The following TTN variants were observed in gnomAD, a reference collection of about 807,000 sequenced individuals.
TTN encodes connectin.
TTN carries 1,525 observed loss-of-function variants against 3,223.0 expected under a neutral mutation model. The ratio of observed to expected loss-of-function variants is 0.47; its 90% CI spans 0.45 to 0.49. TTN has a LOEUF of 0.49. Ranked by LOEUF, TTN falls within the 20% of genes least tolerant of loss-of-function variation. The pLI is 0.00. For synonymous variants in TTN, 14,094 were observed against 15,161.0 expected (o/e 0.93, Z 5.17); for missense variants, 40,786 against 43,424.0 (o/e 0.94, Z 5.40).
At position 178,647,402 on chromosome 2, in the gene TTN, G is replaced by C. The variant is rs1193799854; in HGVS notation, c.40120C>G (p.Pro13374Ala). The change falls in exon 214 of 363, where the codon CCA becomes GCA. Residue 13374 changes from proline to alanine, a missense_variant. Coordinates refer to ENST00000589042, the MANE Select transcript of TTN (RefSeq NM_001267550.2). ...KEVSVPIPAE[P>A]EVPPAEVEET... ...GTACCTTCAGCAGGTGGAACTTCTG[G>C]CTCTGCAGGGATAGGCACAGACACT... 6.5e-7 allele frequency: 1 copy of C among 1,549,602 alleles called. No homozygotes were observed. Among genetic ancestry groups the C allele is most frequent in the African/African-American group, 1.4e-5 (1 of 73,068 alleles).
Position 178,612,442 on chromosome 2 carries a change from G to A in TTN, c.50083C>T (p.Arg16695Ter), listed in dbSNP as rs751502842. ...NYIVEKRDVR[R>*]KGWQTVDTTV... ...GTATCCACTGTTTGCCAGCCTTTTC[G>A]CCTGACGTCTCTCTTTTCCACAATG... The change falls in exon 266 of 363, where the codon CGA (arginine) becomes TGA (stop). Residue 16695 changes from arginine to a stop codon, truncating the protein, a stop_gained. Transcript: ENST00000589042. LOFTEE classifies it high-confidence loss of function. 1.9e-6 allele frequency: 3 copies of A among 1,612,394 alleles called. No individual in the cohort carries two copies. Among genetic ancestry groups the A allele is most frequent in the Non-Finnish European group, 1.7e-6 (2 of 1,179,178 alleles).
chr2:178,559,546 T>C lies in TTN; in HGVS notation c.86586A>G (p.Ala28862=). 4 of 1,613,832 alleles carry C rather than the reference T, an allele frequency of 2.5e-6. 1 individual carries two copies. In the South Asian group the frequency reaches 3.3e-5, roughly 13 times the overall value. The change falls in exon 326 of 363, where the codon GCA becomes GCG. Residue 28862 remains alanine, a synonymous_variant. Coordinates refer to ENST00000589042, the MANE Select transcript of TTN (RefSeq NM_001267550.2). ...TTTCAGGAACATCCCAGGATAACAC[T>C]GCAGACTCTTTGGTTACATCTTGCA... ...ITVQDVTKES[A]VLSWDVPEND...
chr2:178,594,192 C>T lies in TTN; in HGVS notation c.58201G>A (p.Gly19401Ser), dbSNP rs764852395. ...CGGCCAGTGAGGGCAAAAGCTTCAC[C>T]AACTCGAATCGTGAGCTTATCTCTG... Reference protein sequence around the residue: ...DFRDKLTIRVGEAFALTGRYS... With the variant: ...DFRDKLTIRVSEAFALTGRYS... Residue 19401 changes from glycine (G) to serine (S), a missense_variant, in exon 297 of 363, where the codon GGT becomes AGT. Gly to Ser is a moderately conservative substitution (Grantham distance 56, BLOSUM62 0). Transcript: ENST00000589042. 3.1e-6 allele frequency: 5 copies of T among 1,613,308 alleles called. No homozygotes were observed. Among genetic ancestry groups the T allele is most frequent in the East Asian group, 2.2e-5 (1 of 44,668 alleles).
chr2:178,620,391 T>C lies in TTN; in HGVS notation c.46130A>G (p.Gln15377Arg). Reference protein sequence around the residue: ...DEGEYIVTAGQDKSVAELLII... With the variant: ...DEGEYIVTAGRDKSVAELLII... ...GAGAAGCTCAGCAACAGATTTATCTTGTCCAGCAGTGACAATGTATTCACC... is the reference window on the plus strand; with the variant it reads ...GAGAAGCTCAGCAACAGATTTATCTCGTCCAGCAGTGACAATGTATTCACC... The change falls in exon 248 of 363, where the codon CAA becomes CGA. Residue 15377 changes from glutamine to arginine, a missense_variant. By Grantham distance (43) the Gln-to-Arg change is conservative. Transcript: ENST00000589042. 2 of 1,612,044 alleles carry C rather than the reference T, an allele frequency of 1.2e-6. No individual in the cohort carries two copies. Among genetic ancestry groups the C allele is most frequent in the Non-Finnish European group, 1.7e-6 (2 of 1,178,848 alleles).
Position 178,704,909 on chromosome 2 carries a change from A to G in TTN, c.29662T>C (p.Ser9888Pro). 6.2e-7 allele frequency: 1 copy of G among 1,613,526 alleles called. No homozygotes were observed. The highest frequency in any genetic ancestry group is 1.7e-4 in the Middle Eastern group (1 of 5,848). The stretch of plus-strand genomic sequence containing the variant: ...TGTGACAGTCTTTGCTGAATAAATG[A>G]TACAAGTTCCTCAAATTCCTTTTCG... Reference protein sequence around the residue: ...RDEKEFEELVSFIQQRLSQTE... With the variant: ...RDEKEFEELVPFIQQRLSQTE... Residue 9888 changes from serine (S) to proline (P), a missense_variant, in exon 104 of 363, where the codon TCA (serine) becomes CCA (proline). By Grantham distance (74) the Ser-to-Pro change is moderately conservative (BLOSUM62 -1). Coordinates refer to ENST00000589042, the MANE Select transcript of TTN (RefSeq NM_001267550.2).
Position 178,799,817 on chromosome 2 carries a change from A to G in TTN, c.669+8T>C, listed in dbSNP as rs763462144. The G allele has an allele frequency of 3.7e-6, 6 of 1,614,056 alleles. No individual in the cohort carries two copies. In the South Asian group the frequency reaches 6.6e-5, roughly 18 times the overall value. ...AAAGGCTTGAAAACCAACAGTATAG[A>G]AAAATACCTTTTCAATTCGGGTTTG... On this transcript the variant is annotated splice_region_variant and intron_variant, in intron 5 of 362. Coordinates refer to ENST00000589042, the MANE Select transcript of TTN (RefSeq NM_001267550.2).
chr2:178,602,636 A>C (rs1465597901), intron 282 of TTN, 46 bp from the exon 283 acceptor site: 3 of 1,432,208 alleles, frequency 2.1e-6, no homozygotes, highest in Non-Finnish European at 1.8e-6. Context: ...TTTGAAGCTG[A>C]TGAAGTGCTG....
chr2:178,563,170 T>C lies in TTN; in HGVS notation c.82962A>G (p.Val27654=). 2 of 1,613,776 alleles carry C rather than the reference T, an allele frequency of 1.2e-6. No individual in the cohort carries two copies. ...AGCCAGGTAGAGTTGCAGGTTCACC[T>C]ACACCTTCAGAATTGATGGCACAAA... The part of the protein sequence containing the change: ...FRICAINSEG[V]GEPATLPGSV... The change falls in exon 326 of 363, where the codon GTA becomes GTG. Residue 27654 remains valine (V), a synonymous_variant. Coordinates refer to ENST00000589042, the MANE Select transcript of TTN (RefSeq NM_001267550.2). This position sits in a 1 kb window ranked among gnomAD's most constrained non-coding sequence, Gnocchi z 4.5.
At chr2:178,749,577 G>A (rs1271952917) in intron 47 of TTN, 2 of 1,612,344 alleles carry the variant, frequency 1.2e-6, no homozygotes, top group Non-Finnish European at 1.7e-6. Context: ...TGGTCTTGCA[G>A]TTGCTGATCT....
At chr2:178,582,668 G>T in intron 313 of TTN, 76 bp from the exon 314 acceptor site, 1 of 1,366,168 alleles carries the variant, frequency 7.3e-7, no homozygotes, top group Non-Finnish European at 9.8e-7. Flanking sequence ...GACCTGGGCT[G>T]CAGTCTTTCT....
chr2:178,550,045 G>T lies in TTN; in HGVS notation c.91793C>A (p.Thr30598Lys). 6.2e-7 allele frequency: 1 copy of T among 1,613,684 alleles called. No individual in the cohort carries two copies. Among genetic ancestry groups the T allele is most frequent in the South Asian group, 1.1e-5 (1 of 91,056 alleles). ...ACCAGATGCATTTTTGGCTTCCACT[G>T]TGTATACACCACGATGGTCCCGAGT... ...DATRDHRGVY[T>K]VEAKNASGSA... The change falls in exon 337 of 363, where the codon ACA (threonine) becomes AAA (lysine). Residue 30598 changes from threonine to lysine, a missense_variant. Thr to Lys is a moderately conservative substitution (Grantham distance 78). Transcript: ENST00000589042.
chr2:178,684,263 A>T (rs2070229701), intron 132 of TTN, 67 bp downstream of exon 132: 1 of 1,529,426 alleles, frequency 6.5e-7, no homozygotes, highest in African/African-American at 1.4e-5. Flanking sequence ...CAGCCCCCAT[A>T]ACCAGTGTAT....
Position 178,581,535 on chromosome 2 carries a change from C to T in TTN, c.66733G>A (p.Asp22245Asn). ...VNKIGYSDPSDVPDKHYPKDI... is the reference protein window; with the variant it reads ...VNKIGYSDPSNVPDKHYPKDI... The stretch of plus-strand genomic sequence containing the variant: ...TTGGGATAGTGTTTATCTGGCACAT[C>T]ACTGGGGTCACTGTATCCAATCTTA... Residue 22245 changes from aspartate to asparagine, a missense_variant, in exon 316 of 363, where the codon GAT becomes AAT. Asp to Asn is a conservative substitution (Grantham distance 23, BLOSUM62 1). Coordinates refer to ENST00000589042, the MANE Select transcript of TTN (RefSeq NM_001267550.2). 1.2e-6 allele frequency: 2 copies of T among 1,609,342 alleles called. No homozygotes were observed. Among genetic ancestry groups the T allele is most frequent in the Non-Finnish European group, 8.5e-7 (1 of 1,176,818 alleles).
rs1412679658 is a variant in TTN at position 178,601,171 on chromosome 2, T to A, written c.55733A>T (p.Tyr18578Phe). 1 of 1,524,280 alleles carries A rather than the reference T, an allele frequency of 6.6e-7. No individual in the cohort carries two copies. Among genetic ancestry groups the A allele is most frequent in the African/African-American group, 1.4e-5 (1 of 71,696 alleles). The allele number at this position is 1,524,280 out of a possible 1,614,324, so 94.4% of individuals were successfully genotyped here. A position where few individuals can be genotyped will look rare whatever the true frequency, so the allele number is the denominator to read the frequency against. Residue 18578 changes from tyrosine to phenylalanine, a missense_variant and splice_region_variant, in exon 288 of 363, where the codon TAT becomes TTT. By Grantham distance (22) the Tyr-to-Phe change is conservative. Transcript: ENST00000589042. Reference sequence around the variant, plus strand: ...GAGTTTAATAGGAGGATCAGGAGGATCTGTAAAAATAATTAAAGGAAGTAT... The same window carrying A: ...GAGTTTAATAGGAGGATCAGGAGGAACTGTAAAAATAATTAAAGGAAGTAT... ...IQRTTARDPIYPPDPPIKLKI... is the reference protein window; with the variant it reads ...IQRTTARDPIFPPDPPIKLKI...
Position 178,781,195 on chromosome 2 carries a change from T to C in TTN, c.3449A>G (p.Asp1150Gly). 1 of 1,614,080 alleles carries C rather than the reference T, an allele frequency of 6.2e-7. No individual in the cohort carries two copies. ...AACAACAATAGTGTATTCTCCAGCATCATCAGCAAAAGTCATAGAAATCAC... is the reference window on the plus strand; with the variant it reads ...AACAACAATAGTGTATTCTCCAGCACCATCAGCAAAAGTCATAGAAATCAC... ...KLVISMTFAD[D>G]AGEYTIVVRN... is the part of the protein sequence containing the mutation. The change falls in exon 21 of 363, where the codon GAT (aspartate) becomes GGT (glycine). Residue 1150 changes from aspartate to glycine, a missense_variant. Physicochemically the swap from Asp to Gly is moderately conservative, Grantham distance 94. Coordinates refer to ENST00000589042, the MANE Select transcript of TTN (RefSeq NM_001267550.2).
Position 178,670,670 on chromosome 2 carries a change from A to G in TTN, c.35309-375T>C, listed in dbSNP as rs561705400. Among the ~76,000 whole-genome samples the G allele has an allele frequency of 3.9e-5, 6 of 152,082 alleles. No homozygotes were observed. In the East Asian group the frequency reaches 1.2e-3, roughly 29 times the overall value. ...TTTATTAGATACTGTTTTTATTTCT[A>G]TTGTGAAATTTAAGAGATTTGCAAA... On this transcript the variant is annotated intron_variant, in intron 156 of 362. Transcript: ENST00000589042.
At position 178,639,995 on chromosome 2, in the gene TTN, G is replaced by A. The variant is rs1458259038; in HGVS notation, c.40786+53C>T. On this transcript the variant is annotated intron_variant, in intron 222 of 362. Transcript: ENST00000589042. ...CTATCTTTTATTAAGTACATGTTAT[G>A]TGTGTGAATACAGAAAGAATATGCT... 3.8e-6 allele frequency: 6 copies of A among 1,584,404 alleles called. No homozygotes were observed. The African/African-American group carries it at 6.8e-5, about 18-fold the overall frequency.
chr2:178,750,275 T>C (rs1451361296), intron 47 of TTN: 3 of 1,613,232 alleles, frequency 1.9e-6, no homozygotes, highest in East Asian at 2.2e-5. Flanking sequence ...TTTATGTGCT[T>C]TGACATCATG....
At chr2:178,784,474 T>C in intron 15 of TTN, 123 bp from the exon 16 acceptor site, 1 of 1,169,140 alleles carries the variant, frequency 8.6e-7, no homozygotes, top group Non-Finnish European at 1.2e-6. Flanking sequence ...TTAGCACTCA[T>C]TATCACACAG....
Sources: allele counts gnomAD v4.1 joint callset (sites outside exome capture counted in the v4.1 genomes callset), GRCh38; gene constraint gnomAD v4.1.1; non-coding constraint Gnocchi (gnomAD v3.1); transcripts MANE v1.5; gene names NCBI Gene and HGNC (gene_info 2026-07-23, HGNC 2026-07-21).